RFPL1: variants seen among roughly 807,000 people sequenced by gnomAD.
RFPL1 encodes the protein ret finger protein-like 1.
Under a neutral mutation model 9.6 loss-of-function variants are expected in RFPL1, and 6 were observed. The ratio of observed to expected loss-of-function variants is 0.62; its 90% CI spans 0.34 to 1.23. RFPL1 has a LOEUF of 1.23. RFPL1 is among the 50% of genes most tolerant of loss of function. The pLI, the probability that RFPL1 is intolerant of heterozygous loss-of-function variation, is 0.03. For synonymous variants in RFPL1, 145 were observed against 149.4 expected (o/e 0.97, Z 0.22); for missense variants, 352 against 398.4 (o/e 0.88, Z 0.99).
chr22:29,439,024 G>C, exon 1 of RFPL1: 17 of 1,614,140 alleles, frequency 1.1e-5, no homozygotes, highest in Non-Finnish European at 1.4e-5. Flanking sequence ...GATCTACTTT[G>C]CTGTTGCTGT....
the RFPL1 span, among the ~76,000 whole-genome samples, chr22:29,388,098 T>G: frequency 2.0e-5 from 3 of 151,866 alleles, no homozygotes; most frequent in East Asian, 1.9e-4. Context: ...GCCATGGAGG[T>G]GAGTCCGAAA....
chr22:29,409,264 C>T, the RFPL1 span, among the ~76,000 whole-genome samples: 1 of 152,164 alleles, frequency 6.6e-6, no homozygotes, highest in Non-Finnish European at 1.5e-5. Flanking sequence ...CTCCCATGCC[C>T]CTGGATCTAG....
intron 1 of RFPL1, chr22:29,439,416 G>A (rs542010311): frequency 3.6e-5 from 20 of 552,634 alleles, no homozygotes; most frequent in African/African-American, 5.6e-5. Context: ...GGTGGATCAC[G>A]AGGTCAGGAG....
At chr22:29,438,777 A>G (rs465736) in exon 1 of RFPL1, 257,632 of 1,608,534 alleles carry the variant, frequency 0.16, 22,098 homozygotes, top group South Asian at 0.18. Context: ...AAGCTGGGAC[A>G]CAATACCTTT....
intron 1 of RFPL1, chr22:29,440,752 T>G (rs2062834518): frequency 6.6e-6 from 1 of 151,716 alleles, no homozygotes; most frequent in Non-Finnish European, 1.5e-5. Flanking sequence ...TTTTTGTATG[T>G]TTTTTAGTAG....
At chr22:29,389,608 C>G in the RFPL1 span, among the ~76,000 whole-genome samples, 1 of 147,656 alleles carries the variant, frequency 6.8e-6, no homozygotes. Context: ...ATGGCGTGAA[C>G]CCGGGAGGCA....
chr22:29,399,355 A>G, the RFPL1 span, among the ~76,000 whole-genome samples: 292 of 152,200 alleles, frequency 1.9e-3, no homozygotes, highest in African/African-American at 6.5e-3. Flanking sequence ...TTTCTTGGTC[A>G]TGGATACGTA....
chr22:29,389,684 T>G, the RFPL1 span, among the ~76,000 whole-genome samples: 8 of 119,202 alleles, frequency 6.7e-5, no homozygotes, highest in African/African-American at 1.7e-4. Flanking sequence ...AGACTCCGTC[T>G]CAAAAAAAAA....
chr22:29,420,631 TTGC>T, the RFPL1 span, among the ~76,000 whole-genome samples: 4,982 of 29,172 alleles, frequency 0.17, 1,793 homozygotes, highest in African/African-American at 0.48. Flanking sequence ...AGATGGTTTT[TTGC>T]TTTTTTTTTT....
chr22:29,400,057 G>A, the RFPL1 span, among the ~76,000 whole-genome samples: 17 of 148,500 alleles, frequency 1.1e-4, no homozygotes, highest in African/African-American at 4.0e-4. Context: ...GTGCAGTGGC[G>A]CGATCTCGGC....
chr22:29,427,881 G>A, the RFPL1 span, among the ~76,000 whole-genome samples: 1 of 152,096 alleles, frequency 6.6e-6, no homozygotes, highest in Non-Finnish European at 1.5e-5. Flanking sequence ...CCTGCCCTTT[G>A]GTCAAACAAC....
the RFPL1 span, among the ~76,000 whole-genome samples, chr22:29,413,437 G>A: frequency 5.9e-5 from 9 of 152,032 alleles, no homozygotes; most frequent in African/African-American, 2.2e-4. Flanking sequence ...TTTAAGAAAT[G>A]GACCTTTTAT....
At chr22:29,415,030 G>T in the RFPL1 span, among the ~76,000 whole-genome samples, 1 of 152,002 alleles carries the variant, frequency 6.6e-6, no homozygotes, top group Non-Finnish European at 1.5e-5. Flanking sequence ...AGGCACGCCC[G>T]TTCGTCAAGC....
chr22:29,404,377 T>C, the RFPL1 span, among the ~76,000 whole-genome samples: 2 of 152,290 alleles, frequency 1.3e-5, no homozygotes, highest in East Asian at 1.9e-4. Context: ...TGCTTTGTAA[T>C]TGATTGTGCA....
At chr22:29,412,033 G>T in the RFPL1 span, among the ~76,000 whole-genome samples, 1 of 152,142 alleles carries the variant, frequency 6.6e-6, no homozygotes, top group South Asian at 2.1e-4. Context: ...CATCCTAAGT[G>T]CCTCGAGAAA....
chr22:29,392,477 C>CCT, the RFPL1 span, among the ~76,000 whole-genome samples: 1 of 146,000 alleles, frequency 6.8e-6, no homozygotes, highest in Non-Finnish European at 1.5e-5. Flanking sequence ...GCAACTTCTG[C>CCT]CTCCCAGGGT....
exon 2 of RFPL1, chr22:29,441,912 T>C (rs2062842091): frequency 2.5e-6 from 4 of 1,612,716 alleles, no homozygotes; most frequent in Non-Finnish European, 3.4e-6. Context: ...TGGGGATTTT[T>C]CTGGATATGG....
At chr22:29,421,426 CA>C in the RFPL1 span, among the ~76,000 whole-genome samples, 1 of 150,406 alleles carries the variant, frequency 6.6e-6, no homozygotes, top group African/African-American at 2.4e-5. Flanking sequence ...GACTCTGTCT[CA>C]AAAAAAACAA....
chr22:29,425,335 T>G, the RFPL1 span, among the ~76,000 whole-genome samples: 2 of 152,202 alleles, frequency 1.3e-5, no homozygotes. Flanking sequence ...TAAACCTTTC[T>G]GTTTAAGAAA....
Sources: gnomAD v4.1 joint callset for allele counts (sites outside exome capture counted in the v4.1 genomes callset) on GRCh38, gnomAD v4.1.1 for gene constraint, MANE v1.5 for transcripts, NCBI Gene and HGNC (gene_info 2026-07-23, HGNC 2026-07-21) for gene names.